Variants in CLMN observed in about 807,000 individuals in gnomAD.
The protein encoded by CLMN is calmin (calponin-like, transmembrane).
CLMN carries 57 observed loss-of-function variants against 92.7 expected under a neutral mutation model. The observed-to-expected ratio is 0.61, with a 90% CI of 0.50 to 0.77. The LOEUF (loss-of-function observed/expected upper bound fraction) is 0.77. Ranked by LOEUF, CLMN falls within the 30% of genes least tolerant of loss-of-function variation. The pLI is 0.00. For synonymous variants in CLMN, 466 were observed against 470.6 expected, an observed-to-expected ratio of 0.99 and a Z score of 0.13; for missense variants, 1,158 against 1,237.5, an observed-to-expected ratio of 0.94 and a Z score of 0.96.
chr14:95,285,915 C>T (rs1221007909), intron 1 of CLMN, among the ~76,000 whole-genome samples: 1 of 152,204 alleles, frequency 6.6e-6, no homozygotes, highest in Non-Finnish European at 1.5e-5. Flanking sequence ...TCCTTCTGCA[C>T]TCAGCACTCC....
At chr14:95,301,191 T>G (rs1382741117) in intron 1 of CLMN, among the ~76,000 whole-genome samples, 1 of 152,218 alleles carries the variant, frequency 6.6e-6, no homozygotes, top group African/African-American at 2.4e-5. Flanking sequence ...AAGCTGAAGC[T>G]GCACATCAAA....
intron 6 of CLMN, among the ~76,000 whole-genome samples, chr14:95,211,373 C>T (rs753136130): frequency 3.3e-5 from 5 of 152,124 alleles, no homozygotes; most frequent in South Asian, 2.1e-4. Context: ...CCCAGAAGAA[C>T]GGCCAAGTCA....
chr14:95,202,044 G>A (rs1365442195), intron 9 of CLMN, among the ~76,000 whole-genome samples: 1 of 152,168 alleles, frequency 6.6e-6, no homozygotes, highest in Admixed American at 6.5e-5. Flanking sequence ...AAACATATGT[G>A]TGCATGTATG....
rs1899164636 is a variant in CLMN, at chr14:95,259,473, C to T, written c.83-29340G>A. Among the ~76,000 whole-genome samples the T allele has an allele frequency of 6.6e-6, 1 of 152,140 alleles. No homozygotes were observed. Among genetic ancestry groups the T allele is most frequent in the Admixed American group, 6.5e-5 (1 of 15,282 alleles). ...ACACGGAGGAAACCCCCACCCACCT[C>T]TTCCTGGGCCCCTCCTGGAGTTTCA... On this transcript the variant is annotated intron_variant, in intron 1 of 12. Transcript: ENST00000298912. The surrounding 1 kb of genome is among the most constrained non-coding windows in gnomAD (Gnocchi z 4.3).
intron 1 of CLMN, among the ~76,000 whole-genome samples, chr14:95,240,306 G>A (rs879447090): frequency 1.6e-4 from 24 of 152,268 alleles, no homozygotes; most frequent in African/African-American, 4.6e-4. Flanking sequence ...GGCACACAGC[G>A]GTGCTACATC....
Position 95,269,842 on chromosome 14 carries a change from C to T in CLMN, c.83-39709G>A, listed in dbSNP as rs185799585. 2.0e-3 allele frequency among the ~76,000 whole-genome samples: 305 copies of T among 152,294 alleles called. 4 individuals carry two copies. The highest frequency in any genetic ancestry group is 0.013 in the South Asian group (62 of 4,824). ...GGAGGTAAGGGGTGTGTGTCCTCTC[C>T]GGCCTGGCCCCTGCACCTCACATGA... On this transcript the variant is annotated intron_variant, in intron 1 of 12. Transcript: ENST00000298912.
intron 1 of CLMN, among the ~76,000 whole-genome samples, chr14:95,239,069 G>A (rs531708864): frequency 8.1e-5 from 12 of 147,454 alleles, no homozygotes; most frequent in East Asian, 3.9e-4. Flanking sequence ...GACAGGTGAC[G>A]CCAGCCAGCC....
intron 9 of CLMN, among the ~76,000 whole-genome samples, chr14:95,200,120 C>A (rs1896834753): frequency 6.6e-6 from 1 of 152,078 alleles, no homozygotes. Flanking sequence ...GTCACTTTCC[C>A]ACCTGGCTCC....
At chr14:95,292,428 TCCCCCA>T (rs61159767) in intron 1 of CLMN, among the ~76,000 whole-genome samples, 49 of 74,120 alleles carry the variant, frequency 6.6e-4, no homozygotes, top group Middle Eastern at 7.1e-3. Flanking sequence ...CCCCCAAGGG[TCCCCCA>T]CCCCCACCCC....
intron 4 of CLMN, among the ~76,000 whole-genome samples, chr14:95,217,006 A>G (rs1385423239): frequency 1.3e-5 from 2 of 152,204 alleles, no homozygotes; most frequent in African/African-American, 2.4e-5. Context: ...ACAAAATCTA[A>G]GCACTGGACA....
chr14:95,254,299 T>G (rs1898908351), intron 1 of CLMN, among the ~76,000 whole-genome samples: 2 of 152,230 alleles, frequency 1.3e-5, no homozygotes. Flanking sequence ...CAGCCAGTTC[T>G]GCTAGGACGG....
chr14:95,218,893 G>A (rs964974366), intron 4 of CLMN, among the ~76,000 whole-genome samples: 3 of 152,228 alleles, frequency 2.0e-5, no homozygotes, highest in Admixed American at 2.0e-4. Context: ...ATGGATGACA[G>A]AAGGCCAGGC....
At chr14:95,208,336 T>C (rs1284676381) in intron 8 of CLMN, among the ~76,000 whole-genome samples, 1 of 152,138 alleles carries the variant, frequency 6.6e-6, no homozygotes, top group African/African-American at 2.4e-5. Context: ...CTGTCATTAT[T>C]ATCAGCTCGG....
intron 1 of CLMN, among the ~76,000 whole-genome samples, chr14:95,246,529 C>T (rs896526782): frequency 1.3e-4 from 20 of 152,174 alleles, no homozygotes; most frequent in Admixed American, 1.1e-3. Flanking sequence ...AGTGCAGTGG[C>T]GCCATCTTGG....
intron 1 of CLMN, among the ~76,000 whole-genome samples, chr14:95,292,994 T>C (rs569863657): frequency 6.6e-6 from 1 of 152,268 alleles, no homozygotes; most frequent in African/African-American, 2.4e-5. Flanking sequence ...ATTTTGCACA[T>C]AGCCGTCCAT....
At position 95,217,610 on chromosome 14, in the gene CLMN, G is replaced by A. The variant is rs1056025052; in HGVS notation, c.325-1877C>T. On this transcript the variant is annotated intron_variant, in intron 4 of 12. Coordinates refer to ENST00000298912, the MANE Select transcript of CLMN (RefSeq NM_024734.4). The stretch of plus-strand genomic sequence containing the variant: ...CATGATGGATCACCCACGAGAACTC[G>A]CCTGCTCGTCTCCTAAGCCTCTGCT... Among the ~76,000 whole-genome samples the A allele has an allele frequency of 3.3e-5, 5 of 152,230 alleles. No homozygotes were observed. In the South Asian group the frequency reaches 6.2e-4, roughly 19 times the overall value.
intron 8 of CLMN, among the ~76,000 whole-genome samples, chr14:95,204,716 G>A (rs1158202564): frequency 6.6e-6 from 1 of 152,146 alleles, no homozygotes; most frequent in Non-Finnish European, 1.5e-5. Flanking sequence ...AAAATACCAT[G>A]TTTTTTAAAA....
chr14:95,211,644 G>T (rs1380976380), intron 6 of CLMN, among the ~76,000 whole-genome samples: 6 of 131,170 alleles, frequency 4.6e-5, no homozygotes, highest in East Asian at 2.2e-4. Flanking sequence ...GTCAATAAAC[G>T]CTCTTAAAAA....
intron 1 of CLMN, among the ~76,000 whole-genome samples, chr14:95,300,308 CT>C (rs1176717704): frequency 3.3e-5 from 5 of 152,258 alleles, no homozygotes; most frequent in African/African-American, 1.2e-4. Flanking sequence ...CACCCCAACT[CT>C]GTGGGCTGGT....
Sources: allele counts gnomAD v4.1 joint callset (sites outside exome capture counted in the v4.1 genomes callset), GRCh38; gene constraint gnomAD v4.1.1; non-coding constraint Gnocchi (gnomAD v3.1); transcripts MANE v1.5; gene names NCBI Gene and HGNC (gene_info 2026-07-23, HGNC 2026-07-21).